SOCS2: variants seen among roughly 807,000 people sequenced by gnomAD.
The protein encoded by SOCS2 is suppressor of cytokine signaling 2.
Under a neutral mutation model 18.6 loss-of-function variants are expected in SOCS2, and 10 were observed. That is an observed-to-expected ratio of 0.54 (90% CI 0.33 to 0.91). SOCS2 has a LOEUF of 0.91. Among genes scored for constraint, SOCS2 ranks in the 40% least tolerant of loss-of-function variants. SOCS2 has a pLI of 0.02. For missense variants in SOCS2, 231 were observed against 247.2 expected, an observed-to-expected ratio of 0.93 and a Z score of 0.44; for synonymous variants, 104 against 104.0, an observed-to-expected ratio of 1.00 and a Z score of 0.00.
downstream of SOCS2, chr12:93,583,549 G>A (rs1954565271): frequency 6.6e-6 from 1 of 152,036 alleles, no homozygotes; most frequent in South Asian, 2.1e-4. Context: ...TCTTAAAGTG[G>A]GGCACATCTC....
downstream of SOCS2, among the ~76,000 whole-genome samples, chr12:93,588,169 C>T (rs1313813760): frequency 1.3e-5 from 2 of 152,136 alleles, no homozygotes; most frequent in South Asian, 2.1e-4. Flanking sequence ...ATCTAGGCAA[C>T]GGATCACAGT....
downstream of SOCS2, among the ~76,000 whole-genome samples, chr12:93,577,787 G>A (rs1039049759): frequency 1.3e-5 from 2 of 152,150 alleles, no homozygotes; most frequent in African/African-American, 2.4e-5. Context: ...AGGTGGGCGG[G>A]GAGGGGGCTT....
At chr12:93,577,077 G>C (rs1390810480), downstream of SOCS2, among the ~76,000 whole-genome samples, 1 of 152,156 alleles carries the variant, frequency 6.6e-6, no homozygotes, top group African/African-American at 2.4e-5. Context: ...TTTCTTTAAA[G>C]GTCTTTTGCC....
chr12:93,601,410 G>T, the SOCS2 span, among the ~76,000 whole-genome samples: 3 of 152,008 alleles, frequency 2.0e-5, no homozygotes, highest in African/African-American at 7.3e-5. Flanking sequence ...AAGTAGCTGG[G>T]ATTACAGGCG....
At chr12:93,614,540 C>T in the SOCS2 span, among the ~76,000 whole-genome samples, 433 of 37,112 alleles carry the variant, frequency 0.012, 42 homozygotes, top group East Asian at 0.036. Flanking sequence ...TCCTTCCTTC[C>T]TTCTTTCTTT....
chr12:93,571,952 C>A, upstream of SOCS2: 1 of 341,072 alleles, frequency 2.9e-6, no homozygotes. Flanking sequence ...TTTTCCGCAG[C>A]GCTCGCGACC....
At chr12:93,614,588 T>C in the SOCS2 span, among the ~76,000 whole-genome samples, 12 of 105,014 alleles carry the variant, frequency 1.1e-4, no homozygotes, top group Non-Finnish European at 1.5e-4. Flanking sequence ...TCTTTCTTTC[T>C]TTCTTTCTTT....
the SOCS2 span, among the ~76,000 whole-genome samples, chr12:93,606,896 A>T: frequency 6.6e-6 from 1 of 152,162 alleles, no homozygotes; most frequent in Non-Finnish European, 1.5e-5. Context: ...CAAGTGATCC[A>T]CATGCCTTGG....
the SOCS2 span, among the ~76,000 whole-genome samples, chr12:93,588,570 G>A: frequency 6.6e-6 from 1 of 151,878 alleles, no homozygotes; most frequent in African/African-American, 2.4e-5. Context: ...GGGAGAAGGA[G>A]GAAGAGGAGT....
At chr12:93,622,119 C>T in the SOCS2 span, among the ~76,000 whole-genome samples, 2 of 152,254 alleles carry the variant, frequency 1.3e-5, no homozygotes, top group South Asian at 4.1e-4. Context: ...ACATTTAAAA[C>T]TCTGGAGTTT....
At chr12:93,615,561 A>C in the SOCS2 span, among the ~76,000 whole-genome samples, 14 of 152,342 alleles carry the variant, frequency 9.2e-5, no homozygotes, top group African/African-American at 3.4e-4. Flanking sequence ...TATAATTTAC[A>C]AGGGATATTA....
chr12:93,594,436 T>C, the SOCS2 span, among the ~76,000 whole-genome samples: 1 of 152,202 alleles, frequency 6.6e-6, no homozygotes. Flanking sequence ...TCTTAACTAT[T>C]AAATTTCTAT....
chr12:93,596,720 T>C, the SOCS2 span, among the ~76,000 whole-genome samples: 1 of 152,152 alleles, frequency 6.6e-6, no homozygotes, highest in Non-Finnish European at 1.5e-5. Flanking sequence ...CTCAGCTACT[T>C]GAGAGGCTGA....
downstream of SOCS2, among the ~76,000 whole-genome samples, chr12:93,577,425 T>C (rs1268245287): frequency 6.6e-6 from 1 of 152,170 alleles, no homozygotes; most frequent in Non-Finnish European, 1.5e-5. Context: ...TCTCATTTAA[T>C]TTTCCCAAGA....
the SOCS2 span, among the ~76,000 whole-genome samples, chr12:93,621,591 C>T: frequency 6.6e-6 from 1 of 152,190 alleles, no homozygotes; most frequent in Non-Finnish European, 1.5e-5. Context: ...ATCCTCCTGC[C>T]TTAGTCTCCC....
chr12:93,614,634 T>TCTTTG, the SOCS2 span, among the ~76,000 whole-genome samples: 1 of 137,494 alleles, frequency 7.3e-6, no homozygotes, highest in Non-Finnish European at 1.5e-5. Flanking sequence ...TTTCTTTCTT[T>TCTTTG]TGATGGAGTC....
At chr12:93,616,083 T>C in the SOCS2 span, among the ~76,000 whole-genome samples, 1 of 152,230 alleles carries the variant, frequency 6.6e-6, no homozygotes. Context: ...CTCTTGGTCC[T>C]AGCATTTTGG....
chr12:93,610,045 T>C, the SOCS2 span, among the ~76,000 whole-genome samples: 4 of 152,174 alleles, frequency 2.6e-5, no homozygotes, highest in Admixed American at 2.0e-4. Context: ...GCCCTCATGA[T>C]CTAATCACCT....
the SOCS2 span, among the ~76,000 whole-genome samples, chr12:93,623,191 G>C: frequency 6.6e-6 from 1 of 152,020 alleles, no homozygotes; most frequent in Non-Finnish European, 1.5e-5. Flanking sequence ...GATAGTGAGG[G>C]AGTTCTCACG....
Sources: gnomAD v4.1 joint callset for allele counts (sites outside exome capture counted in the v4.1 genomes callset) on GRCh38, gnomAD v4.1.1 for gene constraint, MANE v1.5 for transcripts, NCBI Gene and HGNC (gene_info 2026-07-23, HGNC 2026-07-21) for gene names.